PHACTR2: variants seen among roughly 807,000 people sequenced by gnomAD.
PHACTR2 encodes phosphatase and actin regulator 2, also known as chromosome 6 open reading frame 56.
Under a neutral mutation model 76.0 loss-of-function variants are expected in PHACTR2, and 30 were observed. The ratio of observed to expected loss-of-function variants is 0.39; its 90% CI spans 0.30 to 0.54. The LOEUF is 0.54. PHACTR2 is among the 20% of genes least tolerant of loss of function. The pLI is 0.61. For synonymous variants in PHACTR2, 292 were observed against 292.5 expected (o/e 1.00, Z 0.02); for missense variants, 696 against 781.1 (o/e 0.89, Z 1.30).
intron 2 of PHACTR2, among the ~76,000 whole-genome samples, chr6:143,719,349 CTTTTTTTTTTT>C (rs34643788): frequency 1.2e-5 from 1 of 86,916 alleles, no homozygotes; most frequent in Non-Finnish European, 2.2e-5. Flanking sequence ...TTCGACACTT[CTTTTTTTTTTT>C]TTTTTTTTTT....
Position 143,652,619 on chromosome 6 carries a change from G to A in PHACTR2, c.13+44297G>A, listed in dbSNP as rs936942745. On this transcript the variant is annotated intron_variant, in intron 1 of 11. Transcript: ENST00000305766. The surrounding 1 kb of genome is among the most constrained non-coding windows in gnomAD (Gnocchi z 4.5). ...TTCAGATCTTATTAAAAAGCTCAGG[G>A]TTTCGGGAATCCGACTGTTCTGCAA... 6.6e-6 allele frequency among the ~76,000 whole-genome samples: 1 copy of A among 152,196 alleles called. No individual in the cohort carries two copies. The highest frequency in any genetic ancestry group is 1.5e-5 in the Non-Finnish European group (1 of 68,040).
chr6:143,740,176 C>A (rs1447479480), intron 2 of PHACTR2, among the ~76,000 whole-genome samples: 1 of 152,170 alleles, frequency 6.6e-6, no homozygotes, highest in Non-Finnish European at 1.5e-5. Flanking sequence ...AACTTCCTAA[C>A]ATTGCCATGC....
In PHACTR2 at chr6:143,578,345, T is replaced by C. The variant is rs1367666763; in HGVS notation, c.217+41138T>C. Reference sequence around the variant, plus strand: ...GTTTGATTCAACTCTTCTTGGCCCTTAACTTTCCTCAGGGAGGCAGGGGAG... The same window carrying C: ...GTTTGATTCAACTCTTCTTGGCCCTCAACTTTCCTCAGGGAGGCAGGGGAG... On this transcript the variant is annotated intron_variant, in intron 1 of 11. Coordinates refer to the PHACTR2 transcript ENST00000367584. The surrounding 1 kb of genome is among the most constrained non-coding windows in gnomAD (Gnocchi z 4.5). Among the ~76,000 whole-genome samples, 6 of 152,174 alleles carry C rather than the reference T, an allele frequency of 3.9e-5. No homozygotes were observed. The highest frequency in any genetic ancestry group is 5.9e-5 in the Non-Finnish European group (4 of 68,020).
intron 1 of PHACTR2, among the ~76,000 whole-genome samples, chr6:143,686,474 C>A (rs1250435568): frequency 2.2e-5 from 3 of 137,436 alleles, no homozygotes; most frequent in South Asian, 2.4e-4. Context: ...AGGAGAGGAA[C>A]TTCATTCTTT....
Position 143,557,796 on chromosome 6 carries a change from A to T in PHACTR2, c.217+20589A>T, listed in dbSNP as rs945518526. ...GCCTGAACCCCAATAGAAATGTAAAAGTTGACACCTTGTCAGTGGGAAGCG... is the reference window on the plus strand; with the variant it reads ...GCCTGAACCCCAATAGAAATGTAAATGTTGACACCTTGTCAGTGGGAAGCG... On this transcript the variant is annotated intron_variant, in intron 1 of 11. Transcript: ENST00000367584. The surrounding 1 kb of genome is among the most constrained non-coding windows in gnomAD (Gnocchi z 5.5). 6.6e-6 allele frequency: 1 copy of T among 152,244 alleles called. No homozygotes were observed. The highest frequency in any genetic ancestry group is 1.5e-5 in the Non-Finnish European group (1 of 68,048). 9.4% of individuals were successfully genotyped at this position (152,244 alleles called of 1,614,324 possible).
intron 1 of PHACTR2, among the ~76,000 whole-genome samples, chr6:143,644,873 T>C (rs761276210): frequency 1.3e-5 from 2 of 152,140 alleles, no homozygotes; most frequent in Non-Finnish European, 2.9e-5. Flanking sequence ...GGTGTTTGGT[T>C]ACATGAGTAA....
chr6:143,686,091 C>G (rs910752923), intron 1 of PHACTR2, among the ~76,000 whole-genome samples: 4 of 148,396 alleles, frequency 2.7e-5, no homozygotes, highest in Admixed American at 2.0e-4. Flanking sequence ...AAGATTGCAC[C>G]ATTGTACTCC....
intron 1 of PHACTR2, among the ~76,000 whole-genome samples, chr6:143,614,033 C>G (rs1776022299): frequency 6.6e-6 from 1 of 152,000 alleles, no homozygotes; most frequent in Non-Finnish European, 1.5e-5. Context: ...CCAGCCTGAC[C>G]AACATAATGA....
chr6:143,623,408 C>G lies in PHACTR2; in HGVS notation c.13+15086C>G, dbSNP rs1473552379. Among the ~76,000 whole-genome samples, 1 of 152,098 alleles carries G rather than the reference C, an allele frequency of 6.6e-6. No homozygotes were observed. Among genetic ancestry groups the G allele is most frequent in the South Asian group, 2.1e-4 (1 of 4,824 alleles). On this transcript the variant is annotated intron_variant, in intron 1 of 11. Coordinates refer to the PHACTR2 transcript ENST00000305766. This position sits in a 1 kb window ranked among gnomAD's most constrained non-coding sequence, Gnocchi z 5.9. The stretch of plus-strand genomic sequence containing the variant: ...TGGCCAACATGGTGAAACCCTGTCT[C>G]TACTAAATATACAAAAATTAGCCGG...
chr6:143,746,369 T>C (rs1451230823), intron 2 of PHACTR2, among the ~76,000 whole-genome samples: 3 of 152,192 alleles, frequency 2.0e-5, no homozygotes, highest in African/African-American at 7.2e-5. Context: ...CCAGTAAAAG[T>C]TTTGTTTCTT....
At position 143,537,550 on chromosome 6, in the gene PHACTR2, A is replaced by T. The variant is rs995730843; in HGVS notation, c.217+343A>T. The stretch of plus-strand genomic sequence containing the variant: ...CTTCCGAGGCTTTTCCATCAGAAAG[A>T]GGAACATTCTCGGTCTTCGGCGCGA... On this transcript the variant is annotated intron_variant, in intron 1 of 11. Coordinates refer to the PHACTR2 transcript ENST00000367584. This position sits in a 1 kb window ranked among gnomAD's most constrained non-coding sequence, Gnocchi z 4.4. Among the ~76,000 whole-genome samples, 1 of 152,112 alleles carries T rather than the reference A, an allele frequency of 6.6e-6. No individual in the cohort carries two copies. The highest frequency in any genetic ancestry group is 1.5e-5 in the Non-Finnish European group (1 of 68,014).
chr6:143,549,767 C>G lies in PHACTR2; in HGVS notation c.217+12560C>G, dbSNP rs1224367304. Among the ~76,000 whole-genome samples the G allele has an allele frequency of 1.3e-5, 2 of 151,872 alleles. No individual in the cohort carries two copies. The highest frequency in any genetic ancestry group is 2.9e-5 in the Non-Finnish European group (2 of 67,924). On this transcript the variant is annotated intron_variant, in intron 1 of 11. Transcript: ENST00000367584. The surrounding 1 kb of genome is among the most constrained non-coding windows in gnomAD (Gnocchi z 4.2). ...TCATTGAGCCTTCTTCTAAGGCTTC[C>G]CTTGATGTTCATGTTTGCAGGCCCT...
rs373928651 is a variant in PHACTR2 at position 143,755,012 on chromosome 6, G to A, written c.454+1100G>A. On this transcript the variant is annotated intron_variant, in intron 4 of 12. Coordinates refer to ENST00000440869, the MANE Select transcript of PHACTR2 (RefSeq NM_001100164.2). This position sits in a 1 kb window ranked among gnomAD's most constrained non-coding sequence, Gnocchi z 5.2. ...TCATCCTCTGTGGAAGTTCATAACC[G>A]TTCATTATTTGCATATATATTAGCC... 1.1e-4 allele frequency among the ~76,000 whole-genome samples: 17 copies of A among 152,126 alleles called. No homozygotes were observed. Among genetic ancestry groups the A allele is most frequent in the Admixed American group, 3.3e-4 (5 of 15,276 alleles).
chr6:143,766,764 T>G (rs748614536), intron 6 of PHACTR2, among the ~76,000 whole-genome samples: 1 of 152,336 alleles, frequency 6.6e-6, no homozygotes, highest in Non-Finnish European at 1.5e-5. Context: ...TTTCATTCTT[T>G]GCATTTCATC....
At chr6:143,779,372 C>T (rs548690689) in intron 9 of PHACTR2, among the ~76,000 whole-genome samples, 19 of 144,722 alleles carry the variant, frequency 1.3e-4, no homozygotes, top group East Asian at 1.0e-3. Context: ...TTTTCTGAGA[C>T]GGAGCCTTGC....
At chr6:143,600,889 T>A (rs1232869853) in intron 1 of PHACTR2, among the ~76,000 whole-genome samples, 1 of 152,226 alleles carries the variant, frequency 6.6e-6, no homozygotes, top group Non-Finnish European at 1.5e-5. Flanking sequence ...TAAAAAGAAG[T>A]TGGGCCTATA....
intron 1 of PHACTR2, among the ~76,000 whole-genome samples, chr6:143,560,211 C>T (rs1017839638): frequency 7.2e-5 from 11 of 152,090 alleles, no homozygotes; most frequent in African/African-American, 2.4e-4. Flanking sequence ...TAAAATCTGT[C>T]CTTAATTAAA....
chr6:143,681,872 A>G (rs1227668668), intron 1 of PHACTR2, among the ~76,000 whole-genome samples: 5 of 152,244 alleles, frequency 3.3e-5, no homozygotes, highest in Non-Finnish European at 7.3e-5. Context: ...ACCGTTGCCA[A>G]AAATTGATTG....
At chr6:143,707,663 AATTT>A (rs1289437781) in intron 1 of PHACTR2, among the ~76,000 whole-genome samples, 3 of 152,238 alleles carry the variant, frequency 2.0e-5, no homozygotes, top group African/African-American at 7.2e-5. Context: ...GAATCTCTAT[AATTT>A]ATTTATCAAA....
Sources: gnomAD v4.1 joint callset for allele counts (sites outside exome capture counted in the v4.1 genomes callset) on GRCh38, gnomAD v4.1.1 for gene constraint, Gnocchi (gnomAD v3.1) non-coding constraint, MANE v1.5 for transcripts, NCBI Gene and HGNC (gene_info 2026-07-23, HGNC 2026-07-21) for gene names.